Variants in LRRC2 observed in about 807,000 individuals in gnomAD.
LRRC2 encodes leucine rich repeat containing 2.
In LRRC2, 27 loss-of-function variants were observed where a neutral mutation model predicts 40.2. The observed-to-expected ratio is 0.67, with a 90% CI of 0.49 to 0.93. LRRC2 has a LOEUF of 0.93. LRRC2 is among the 40% of genes least tolerant of loss of function. The probability of loss-of-function intolerance (pLI) is 0.00; values close to 1 mark genes in which losing one functional copy is unlikely to be tolerated. For synonymous variants in LRRC2, 147 were observed against 158.9 expected, an observed-to-expected ratio of 0.92 and a Z score of 0.56; for missense variants, 402 against 439.6, an observed-to-expected ratio of 0.91 and a Z score of 0.76.
Position 46,548,554 on chromosome 3 carries a change from A to C in LRRC2, c.125+2913T>G, listed in dbSNP as rs577181121. 5.9e-4 allele frequency among the ~76,000 whole-genome samples: 90 copies of C among 152,370 alleles called. 1 individual carries two copies. The highest frequency in any genetic ancestry group is 1.3e-3 in the African/African-American group (56 of 41,588). The stretch of plus-strand genomic sequence containing the variant: ...CCAAATATGCAATAAACATACAAAA[A>C]AAATGCCATTAGAGTTCTTCTAATT... On this transcript the variant is annotated intron_variant, in intron 2 of 8. Coordinates refer to ENST00000395905, the MANE Select transcript of LRRC2 (RefSeq NM_024512.5).
chr3:46,519,023 A>T lies in LRRC2; in HGVS notation c.1107T>A (p.Leu369=), dbSNP rs1358275247. The T allele has an allele frequency of 1.2e-6, 2 of 1,606,390 alleles. No homozygotes were observed. Among genetic ancestry groups the T allele is most frequent in the Non-Finnish European group, 1.7e-6 (2 of 1,173,200 alleles). Residue 369 remains leucine, a synonymous_variant, in exon 9 of 9, where the codon CTT becomes CTA. Transcript: ENST00000395905. ...AGTCTTCTGATGGATATCAAAGTTG[A>T]AGGCTAAAAGACACTTTGGTGGTAT... ...PSYTTKVSFS[L]QL is the part of the protein sequence containing the mutation.
chr3:46,525,979 A>C (rs1212914035), intron 7 of LRRC2, among the ~76,000 whole-genome samples: 1 of 149,048 alleles, frequency 6.7e-6, no homozygotes, highest in African/African-American at 2.5e-5. Flanking sequence ...TTTTTGATGG[A>C]GTCTAGCTCT....
chr3:46,541,943 G>C (rs1009406087), intron 3 of LRRC2, among the ~76,000 whole-genome samples: 3 of 152,256 alleles, frequency 2.0e-5, no homozygotes, highest in Admixed American at 1.3e-4. Flanking sequence ...CAGGAACTGA[G>C]AAGATCCTTC....
chr3:46,523,545 T>A (rs188019588), intron 7 of LRRC2, among the ~76,000 whole-genome samples: 11 of 152,318 alleles, frequency 7.2e-5, no homozygotes, highest in Admixed American at 7.2e-4. Flanking sequence ...TTCTTAAATA[T>A]TCACAAAAGT....
intron 4 of LRRC2, among the ~76,000 whole-genome samples, chr3:46,533,555 T>A (rs1704197570): frequency 6.6e-6 from 1 of 152,228 alleles, no homozygotes; most frequent in Non-Finnish European, 1.5e-5. Flanking sequence ...CTACCTTAAA[T>A]GTGCTGAGAA....
intron 4 of LRRC2, among the ~76,000 whole-genome samples, chr3:46,537,975 C>T (rs1037285617): frequency 2.0e-5 from 3 of 152,214 alleles, no homozygotes; most frequent in African/African-American, 7.2e-5. Context: ...AGCAAGGCTG[C>T]TCTTTGCCTG....
At chr3:46,547,496 GA>G (rs35686140) in intron 2 of LRRC2, among the ~76,000 whole-genome samples, 7 of 144,966 alleles carry the variant, frequency 4.8e-5, no homozygotes, top group African/African-American at 7.6e-5. Context: ...AAAAATACAA[GA>G]AAAAAAAAAG....
intron 7 of LRRC2, among the ~76,000 whole-genome samples, chr3:46,522,738 A>G (rs1487321071): frequency 6.6e-6 from 1 of 150,926 alleles, no homozygotes; most frequent in Non-Finnish European, 1.5e-5. Flanking sequence ...GAATAAAATT[A>G]AATAAAAGAT....
At chr3:46,563,075 A>G (rs1221706076) in intron 1 of LRRC2, among the ~76,000 whole-genome samples, 1 of 151,912 alleles carries the variant, frequency 6.6e-6, no homozygotes, top group Admixed American at 6.6e-5. Context: ...CCCACTATGC[A>G]GATAGTATGC....
Position 46,539,039 on chromosome 3 carries a change from A to G in LRRC2, c.490+6T>C. On this transcript the variant is annotated splice_donor_region_variant and intron_variant, in intron 4 of 8. Coordinates refer to ENST00000395905, the MANE Select transcript of LRRC2 (RefSeq NM_024512.5). ...AGGCCCGAAGACCCCTGCTAAGTTG[A>G]CATACCGATTTCTGCTGGAAGATGT... is the stretch of plus-strand genomic sequence containing the variant. The G allele has an allele frequency of 6.2e-7, 1 of 1,613,312 alleles. No individual in the cohort carries two copies.
intron 4 of LRRC2, among the ~76,000 whole-genome samples, chr3:46,535,853 A>C (rs573898430): frequency 6.6e-6 from 1 of 152,318 alleles, no homozygotes; most frequent in Admixed American, 6.5e-5. Flanking sequence ...CCAGGGATTC[A>C]CCTACTCTAA....
At chr3:46,542,479 T>C (rs1418075685) in intron 3 of LRRC2, among the ~76,000 whole-genome samples, 1 of 140,086 alleles carries the variant, frequency 7.1e-6, no homozygotes. Context: ...ACAGAGTGAC[T>C]AAGCAGGGCT....
chr3:46,535,466 G>A (rs1470029011), intron 4 of LRRC2, among the ~76,000 whole-genome samples: 1 of 152,144 alleles, frequency 6.6e-6, no homozygotes, highest in Non-Finnish European at 1.5e-5. Context: ...AAGCCTCTGA[G>A]ATTTATTGTC....
intron 3 of LRRC2, 107 bp from the exon 4 acceptor site, chr3:46,539,308 G>C: frequency 8.9e-7 from 1 of 1,118,788 alleles, no homozygotes; most frequent in Non-Finnish European, 1.3e-6. Flanking sequence ...GCAGACACGA[G>C]AGCATAAAAC....
chr3:46,526,038 C>T (rs1019553338), intron 7 of LRRC2, among the ~76,000 whole-genome samples: 1 of 151,850 alleles, frequency 6.6e-6, no homozygotes, highest in East Asian at 1.9e-4. Context: ...TTGCAAATTC[C>T]GCCTCCCGGT....
In LRRC2 at chr3:46,554,624, A is replaced by G. The variant is rs1373534921; in HGVS notation, c.-19-3014T>C. Among the ~76,000 whole-genome samples the G allele has an allele frequency of 2.7e-5, 4 of 149,308 alleles. No individual in the cohort carries two copies. The Admixed American group carries it at 2.7e-4, about 10-fold the overall frequency. ...ACCAGCGCACTCCAGTCTGGGAGAC[A>G]GAGCAAGACTCTGTCTTAAAAAAAA... is the stretch of plus-strand genomic sequence containing the variant. On this transcript the variant is annotated intron_variant, in intron 1 of 8. Transcript: ENST00000395905.
intron 7 of LRRC2, among the ~76,000 whole-genome samples, chr3:46,522,807 AC>A (rs1000023684): frequency 5.4e-5 from 8 of 149,326 alleles, no homozygotes; most frequent in Non-Finnish European, 1.2e-4. Flanking sequence ...ACACACACAC[AC>A]AAGCTAAAGG....
At chr3:46,530,550 A>C (rs949838804) in intron 5 of LRRC2, among the ~76,000 whole-genome samples, 6 of 152,192 alleles carry the variant, frequency 3.9e-5, no homozygotes, top group Admixed American at 2.0e-4. Context: ...ACTGCACACA[A>C]AAAAAAGACA....
intron 2 of LRRC2, among the ~76,000 whole-genome samples, chr3:46,549,320 A>T (rs1265100705): frequency 6.6e-6 from 1 of 152,218 alleles, no homozygotes; most frequent in Non-Finnish European, 1.5e-5. Flanking sequence ...TAACCCTCAA[A>T]TAGTACTAAT....
Sources: allele counts gnomAD v4.1 joint callset (sites outside exome capture counted in the v4.1 genomes callset), GRCh38; gene constraint gnomAD v4.1.1; transcripts MANE v1.5; gene names NCBI Gene and HGNC (gene_info 2026-07-23, HGNC 2026-07-21).